XKR6: variants seen among roughly 807,000 people sequenced by gnomAD.
The protein encoded by XKR6 is XK related 6, also known as XK-related protein 6.
Under a neutral mutation model 56.7 loss-of-function variants are expected in XKR6, and 22 were observed. That is an observed-to-expected ratio of 0.39 (90% confidence interval 0.28 to 0.55). XKR6 has a LOEUF of 0.55. XKR6 is among the 20% of genes least tolerant of loss of function. The pLI is 0.66. For missense variants in XKR6, 852 were observed against 889.0 expected (o/e 0.96, Z 0.53); for synonymous variants, 524 against 387.8 (o/e 1.35, Z -4.13).
intron 1 of XKR6, among the ~76,000 whole-genome samples, chr8:11,033,463 ATGATGG>A (rs1563358098): frequency 6.6e-6 from 1 of 151,784 alleles, no homozygotes; most frequent in Admixed American, 6.6e-5. Flanking sequence ...GATGATGGTA[ATGATGG>A]TGATGATGAT....
chr8:11,032,767 C>T (rs1180203348), intron 1 of XKR6, among the ~76,000 whole-genome samples: 2 of 152,176 alleles, frequency 1.3e-5, no homozygotes, highest in African/African-American at 4.8e-5. Flanking sequence ...CAAGCCCTGC[C>T]TCCTGCCCTC....
intron 1 of XKR6, among the ~76,000 whole-genome samples, chr8:11,024,204 GGTGTGTGTGTGTGT>G (rs61021720): frequency 0.11 from 14,695 of 136,862 alleles, 811 homozygotes; most frequent in Middle Eastern, 0.16. Flanking sequence ...CCTGTTAGGA[GGTGTGTGTGTGTGT>G]GTGTGTGTGT....
intron 2 of XKR6, among the ~76,000 whole-genome samples, chr8:10,920,036 G>C (rs1476785365): frequency 6.6e-6 from 1 of 152,208 alleles, no homozygotes; most frequent in Non-Finnish European, 1.5e-5. Flanking sequence ...AGTGATTAGA[G>C]AGAAACAGAG....
intron 1 of XKR6, among the ~76,000 whole-genome samples, chr8:11,178,687 ATATATG>A (rs1802809395): frequency 7.3e-6 from 1 of 136,920 alleles, no homozygotes; most frequent in Non-Finnish European, 1.5e-5. Flanking sequence ...ATATATATAT[ATATATG>A]TATATCGGGG....
chr8:11,201,205 G>C lies in XKR6; in HGVS notation c.135C>G (p.Gly45=), dbSNP rs1297234095. The change falls in exon 1 of 3, where the codon GGC becomes GGG. Residue 45 remains glycine (G), a synonymous_variant. Coordinates refer to ENST00000416569, the MANE Select transcript of XKR6 (RefSeq NM_173683.4). ...GGGGCGGGGD[G]SEPGESSSMH... ...TCGAGCTGCTCTCGCCGGGCTCGCT[G>C]CCGTCGCCGCCGCCGCCGCAGCCGC... is the stretch of plus-strand genomic sequence containing the variant. 6.5e-7 allele frequency: 1 copy of C among 1,530,962 alleles called. No individual in the cohort carries two copies. Among genetic ancestry groups the C allele is most frequent in the South Asian group, 1.2e-5 (1 of 83,878 alleles). 94.8% of individuals were successfully genotyped at this position (1,530,962 alleles called of 1,614,324 possible).
rs79200947 is a variant in XKR6, at chr8:11,010,776, CT to C, written c.765-85947del. On this transcript the variant is annotated intron_variant, in intron 1 of 2. Transcript: ENST00000416569. ...TTCTAAAACAGTGGCCCCTCCCCAC[CT>C]TTTTTTTTTTTCCTGTCATGACATT... 3.2e-3 allele frequency among the ~76,000 whole-genome samples: 477 copies of C among 146,824 alleles called. 1 individual carries two copies. Among genetic ancestry groups the C allele is most frequent in the African/African-American group, 8.8e-3 (355 of 40,338 alleles).
At chr8:11,099,951 G>A (rs1221475036) in intron 1 of XKR6, among the ~76,000 whole-genome samples, 4 of 152,200 alleles carry the variant, frequency 2.6e-5, no homozygotes, top group Admixed American at 2.0e-4. Flanking sequence ...AGCAGCAAAT[G>A]CAAGGGCCCT....
intron 1 of XKR6, among the ~76,000 whole-genome samples, chr8:10,984,732 C>CTCTATATATATATATATATATATATATA: frequency 1.3e-4 from 6 of 47,482 alleles, no homozygotes; most frequent in Non-Finnish European, 2.1e-4. Context: ...CTCTCTCTCT[C>CTCTATATATATATATATATATATATATA]TATATATATA....
At chr8:10,927,898 G>A (rs1038643292) in intron 1 of XKR6, among the ~76,000 whole-genome samples, 2 of 152,156 alleles carry the variant, frequency 1.3e-5, no homozygotes, top group South Asian at 4.1e-4. Context: ...GGACAGCATG[G>A]TGCCTCCTGG....
At chr8:11,144,502 G>A (rs556486024) in intron 1 of XKR6, among the ~76,000 whole-genome samples, 1 of 152,044 alleles carries the variant, frequency 6.6e-6, no homozygotes, top group South Asian at 2.1e-4. Context: ...CACGTAATCT[G>A]GAGACCAGGG....
intron 1 of XKR6, among the ~76,000 whole-genome samples, chr8:10,950,752 T>G (rs1321081538): frequency 6.6e-6 from 1 of 152,332 alleles, no homozygotes; most frequent in Middle Eastern, 3.4e-3. Flanking sequence ...CCACAGGCCC[T>G]TGGCTTGCTG....
intron 1 of XKR6, among the ~76,000 whole-genome samples, chr8:10,951,023 T>A (rs1282460539): frequency 1.3e-5 from 2 of 152,158 alleles, no homozygotes; most frequent in African/African-American, 4.8e-5. Flanking sequence ...CTCAGCAGCA[T>A]GCCCTGACAT....
intron 1 of XKR6, among the ~76,000 whole-genome samples, chr8:11,106,898 G>A (rs1440207414): frequency 2.1e-5 from 3 of 144,028 alleles, no homozygotes; most frequent in African/African-American, 8.1e-5. Context: ...AATGTTTACA[G>A]GCAAACCTTA....
At chr8:11,085,508 G>C (rs1296729428) in intron 1 of XKR6, among the ~76,000 whole-genome samples, 1 of 152,110 alleles carries the variant, frequency 6.6e-6, no homozygotes, top group Non-Finnish European at 1.5e-5. Flanking sequence ...GCATGCGTGG[G>C]CTGCATTAAT....
chr8:11,042,342 C>A lies in XKR6; in HGVS notation c.765-117512G>T, dbSNP rs556995886. On this transcript the variant is annotated intron_variant, in intron 1 of 2. Transcript: ENST00000416569. ...ATCTTGAACTGTAGCTCCCATAATC[C>A]CCACATGTCATGGGAGGGACCCGGT... Among the ~76,000 whole-genome samples, 6 of 152,118 alleles carry A rather than the reference C, an allele frequency of 3.9e-5. No homozygotes were observed. In the South Asian group the frequency reaches 1.2e-3, roughly 32 times the overall value.
At chr8:11,095,302 G>A (rs531721847) in intron 1 of XKR6, among the ~76,000 whole-genome samples, 1 of 152,168 alleles carries the variant, frequency 6.6e-6, no homozygotes, top group Non-Finnish European at 1.5e-5. Context: ...ATGAATCTTG[G>A]TTTTAAGAAT....
chr8:10,912,002 T>TAG (rs1194923642), intron 2 of XKR6, among the ~76,000 whole-genome samples: 6 of 148,718 alleles, frequency 4.0e-5, no homozygotes, highest in Admixed American at 6.8e-5. Flanking sequence ...TATATATATA[T>TAG]ATAGAGAGAG....
chr8:11,184,380 TACAC>T (rs1563202233), intron 1 of XKR6, among the ~76,000 whole-genome samples: 127 of 128,842 alleles, frequency 9.9e-4, no homozygotes, highest in African/African-American at 4.3e-3. Flanking sequence ...TATATATATA[TACAC>T]ACATACACAC....
chr8:10,914,945 G>C (rs1342970317), intron 2 of XKR6, among the ~76,000 whole-genome samples: 3 of 152,212 alleles, frequency 2.0e-5, no homozygotes, highest in African/African-American at 4.8e-5. Context: ...CTGTCCTCCA[G>C]GTGTCTGTCA....
Sources: gnomAD v4.1 joint callset for allele counts (sites outside exome capture counted in the v4.1 genomes callset) on GRCh38, gnomAD v4.1.1 for gene constraint, MANE v1.5 for transcripts, NCBI Gene and HGNC (gene_info 2026-07-23, HGNC 2026-07-21) for gene names.